B3GALT1: variants seen among roughly 807,000 people sequenced by gnomAD.
B3GALT1 encodes UDP-Gal:betaGlcNAc beta 1,3-galactosyltransferase, polypeptide 1.
B3GALT1 carries 10 observed loss-of-function variants against 23.2 expected under a neutral mutation model. The observed-to-expected ratio is 0.43, with a 90% confidence interval of 0.27 to 0.73. The LOEUF (loss-of-function observed/expected upper bound fraction) is 0.73, where lower values mean the gene tolerates loss of function less well. Ranked by LOEUF, B3GALT1 falls within the 30% of genes least tolerant of loss-of-function variation. B3GALT1 has a pLI of 0.21. For missense variants in B3GALT1, 299 were observed against 405.4 expected (o/e 0.74, Z 2.25); for synonymous variants, 156 against 141.5 (o/e 1.10, Z -0.73).
intron 1 of B3GALT1, among the ~76,000 whole-genome samples, chr2:167,453,377 A>G (rs974727782): frequency 6.6e-6 from 1 of 152,216 alleles, no homozygotes; most frequent in East Asian, 1.9e-4. Flanking sequence ...GTTTCACACA[A>G]AGATTATAAT....
At chr2:167,488,339 GTCTGTTT>G (rs1699655728) in intron 1 of B3GALT1, among the ~76,000 whole-genome samples, 1 of 152,100 alleles carries the variant, frequency 6.6e-6, no homozygotes, top group South Asian at 2.1e-4. Flanking sequence ...TACTTTAATT[GTCTGTTT>G]TCCCCCAACA....
At chr2:167,836,808 A>G (rs959984846) in intron 4 of B3GALT1, among the ~76,000 whole-genome samples, 2 of 152,274 alleles carry the variant, frequency 1.3e-5, no homozygotes, top group Non-Finnish European at 2.9e-5. Context: ...AGGGAAGCCC[A>G]TCAGACTAAC....
chr2:167,629,252 T>A (rs2105445676), intron 2 of B3GALT1, among the ~76,000 whole-genome samples: 1 of 151,814 alleles, frequency 6.6e-6, no homozygotes, highest in Non-Finnish European at 1.5e-5. Context: ...AGAGAGGAGC[T>A]TTGGTGTAAA....
chr2:167,316,684 A>T (rs1696725096), intron 1 of B3GALT1, among the ~76,000 whole-genome samples: 1 of 152,090 alleles, frequency 6.6e-6, no homozygotes, highest in African/African-American at 2.4e-5. Context: ...GGCATGTTTT[A>T]TGTTGTCTGC....
At chr2:167,472,493 A>G (rs1699431164) in intron 1 of B3GALT1, among the ~76,000 whole-genome samples, 1 of 152,134 alleles carries the variant, frequency 6.6e-6, no homozygotes, top group African/African-American at 2.4e-5. Context: ...CCTTGAGTCC[A>G]GTGGATCCAT....
At chr2:167,839,307 G>A (rs1355692021) in intron 4 of B3GALT1, among the ~76,000 whole-genome samples, 3 of 151,624 alleles carry the variant, frequency 2.0e-5, no homozygotes, top group Non-Finnish European at 3.0e-5. Flanking sequence ...ATCTCCTTAA[G>A]CTGATAAGCA....
chr2:167,476,618 C>T (rs7574832), intron 1 of B3GALT1, among the ~76,000 whole-genome samples: 1,766 of 152,200 alleles, frequency 0.012, 39 homozygotes, highest in African/African-American at 0.041. Context: ...CTTAATAAAA[C>T]ATCCTGTATT....
intron 2 of B3GALT1, among the ~76,000 whole-genome samples, chr2:167,641,932 T>C (rs1685659303): frequency 6.6e-6 from 1 of 152,202 alleles, no homozygotes; most frequent in African/African-American, 2.4e-5. Flanking sequence ...TCTCAACATA[T>C]CTATCAGGCA....
chr2:167,600,575 A>C (rs1684857086), intron 2 of B3GALT1, among the ~76,000 whole-genome samples: 1 of 151,970 alleles, frequency 6.6e-6, no homozygotes, highest in African/African-American at 2.4e-5. Flanking sequence ...AACAACAACT[A>C]ATCTGTTTTC....
chr2:167,331,403 T>A (rs562314798), intron 1 of B3GALT1, among the ~76,000 whole-genome samples: 1 of 152,238 alleles, frequency 6.6e-6, no homozygotes. Context: ...CCTTGGGCAG[T>A]GGTCATGGCA....
At chr2:167,681,172 A>C (rs1038194661) in intron 3 of B3GALT1, among the ~76,000 whole-genome samples, 1 of 152,174 alleles carries the variant, frequency 6.6e-6, no homozygotes, top group African/African-American at 2.4e-5. Flanking sequence ...AGCTTGGGAG[A>C]GGGCCACATG....
intron 2 of B3GALT1, among the ~76,000 whole-genome samples, chr2:167,607,396 T>C (rs1404657592): frequency 6.6e-6 from 1 of 152,174 alleles, no homozygotes; most frequent in African/African-American, 2.4e-5. Context: ...GTAGGTTTTC[T>C]GGGTCACGAC....
intron 3 of B3GALT1, among the ~76,000 whole-genome samples, chr2:167,757,282 C>T (rs1687833134): frequency 6.6e-6 from 1 of 152,140 alleles, no homozygotes; most frequent in African/African-American, 2.4e-5. Flanking sequence ...CCCATCCAGA[C>T]ATAATCATTA....
At chr2:167,369,818 G>A (rs1244404464) in intron 1 of B3GALT1, among the ~76,000 whole-genome samples, 1 of 152,118 alleles carries the variant, frequency 6.6e-6, no homozygotes, top group Admixed American at 6.6e-5. Flanking sequence ...GAGTATTTTA[G>A]CAGCATCACA....
intron 1 of B3GALT1, among the ~76,000 whole-genome samples, chr2:167,321,569 C>G (rs1696810966): frequency 6.6e-6 from 1 of 152,036 alleles, no homozygotes; most frequent in Non-Finnish European, 1.5e-5. Flanking sequence ...TCTAATGAGA[C>G]ACCTGCATTC....
intron 2 of B3GALT1, among the ~76,000 whole-genome samples, chr2:167,639,117 A>G (rs781550396): frequency 7.2e-5 from 11 of 152,066 alleles, no homozygotes; most frequent in Non-Finnish European, 1.6e-4. Flanking sequence ...GAGCTCAAAT[A>G]AAAAGTATGC....
chr2:167,744,699 C>T (rs916941508), intron 3 of B3GALT1, among the ~76,000 whole-genome samples: 2 of 152,126 alleles, frequency 1.3e-5, no homozygotes. Context: ...TCAAGCGATT[C>T]TCCTGCATCA....
chr2:167,726,390 G>C (rs1340714770), intron 3 of B3GALT1, among the ~76,000 whole-genome samples: 1 of 152,090 alleles, frequency 6.6e-6, no homozygotes, highest in Non-Finnish European at 1.5e-5. Flanking sequence ...CCTTGTCCAG[G>C]CATATTGCCC....
At chr2:167,393,194 A>T (rs58387423) in intron 1 of B3GALT1, among the ~76,000 whole-genome samples, 1 of 151,684 alleles carries the variant, frequency 6.6e-6, no homozygotes, top group African/African-American at 2.4e-5. Flanking sequence ...AGATTGCGCC[A>T]CTGCACTCCA....
Sources: allele counts gnomAD v4.1 joint callset (sites outside exome capture counted in the v4.1 genomes callset), GRCh38; gene constraint gnomAD v4.1.1; transcripts MANE v1.5; gene names NCBI Gene and HGNC (gene_info 2026-07-23, HGNC 2026-07-21).